Variants in TAB3 observed in about 807,000 individuals in gnomAD.
TAB3 encodes the protein TGF-beta-activated kinase 1 and MAP3K7-binding protein 3.
A neutral mutation model predicts 48.1 loss-of-function variants in TAB3; 18 were observed. The observed-to-expected ratio is 0.37, with a 90% confidence interval of 0.26 to 0.55. TAB3 has a LOEUF of 0.55. Among genes scored for constraint, TAB3 ranks in the 20% least tolerant of loss-of-function variants. The pLI is 0.78. For synonymous variants in TAB3, 185 were observed against 190.2 expected, an observed-to-expected ratio of 0.97 and a Z score of 0.22; for missense variants, 414 against 549.8, an observed-to-expected ratio of 0.75 and a Z score of 2.47.
chrX:30,831,387 T>C lies in TAB3; in HGVS notation c.*40A>G. The C allele has an allele frequency of 1.7e-6, 2 of 1,188,171 alleles. No homozygotes were observed. On this transcript the variant is annotated 3_prime_UTR_variant, in exon 11 of 11. Transcript: ENST00000288422. ...AGGTTTCCTTTTCTTCTGGTAGTGC[T>C]CAAAGTTTCACTTTCAACCTGGCGC... is the stretch of plus-strand genomic sequence containing the variant.
At position 30,830,912 on chromosome X, in the gene TAB3, GC is replaced by G. The variant is rs34578092; in HGVS notation, c.*514del. ...AATTACAAATACCCTTAATTAATTT[GC>G]CCCCCCCCCCCAAATATTCTAGGTG... On this transcript the variant is annotated 3_prime_UTR_variant, in exon 11 of 11. Transcript: ENST00000288422. 871 of 43,593 alleles carry G rather than the reference GC, an allele frequency of 0.02. 30 individuals are homozygous for G. The highest frequency in any genetic ancestry group is 0.06 in the African/African-American group (752 of 12,629). The allele number at this position is 43,593 out of a possible 1,213,427, so 3.6% of individuals were successfully genotyped here.
At chrX:30,878,716 A>C (rs754679425) in intron 1 of TAB3, among the ~76,000 whole-genome samples, 8 of 111,644 alleles carry the variant, frequency 7.2e-5, no homozygotes, top group African/African-American at 1.9e-4. Flanking sequence ...GCCATAAAGT[A>C]AGTCTCAGGG....
chrX:30,872,285 T>C (rs1213237254), intron 1 of TAB3, among the ~76,000 whole-genome samples: 1 of 111,992 alleles, frequency 8.9e-6, no homozygotes, highest in Non-Finnish European at 1.9e-5. Context: ...GTAGAGGAAC[T>C]TTTTAAAATT....
chrX:30,860,206 C>A (rs910212780), intron 4 of TAB3, among the ~76,000 whole-genome samples: 2 of 112,173 alleles, frequency 1.8e-5, no homozygotes. Flanking sequence ...GAAGTCCCTG[C>A]TTACAGTAAA....
intron 1 of TAB3, among the ~76,000 whole-genome samples, chrX:30,873,897 G>A (rs1249449603): frequency 9.0e-6 from 1 of 111,501 alleles, no homozygotes; most frequent in Non-Finnish European, 1.9e-5. Context: ...ACATTGGCTG[G>A]GCACAGTAGC....
At chrX:30,831,923 TGTAA>T (rs2147320799) in intron 10 of TAB3, among the ~76,000 whole-genome samples, 1 of 112,238 alleles carries the variant, frequency 8.9e-6, no homozygotes, top group Non-Finnish European at 1.9e-5. Flanking sequence ...CTGTCGCCTC[TGTAA>T]GTTTTCCCTG....
chrX:30,833,968 G>C, intron 10 of TAB3, 83 bp downstream of exon 10: 2 of 894,600 alleles, frequency 2.2e-6, no homozygotes, highest in Non-Finnish European at 3.2e-6. Context: ...AAAAAATAAA[G>C]GTATGGTTTT....
At chrX:30,878,820 A>G (rs1939920650) in intron 1 of TAB3, among the ~76,000 whole-genome samples, 1 of 112,066 alleles carries the variant, frequency 8.9e-6, no homozygotes, top group Non-Finnish European at 1.9e-5. Flanking sequence ...GAAAATTCTC[A>G]TATTACTGGA....
Position 30,852,784 on chromosome X carries a change from G to A in TAB3, c.1704C>T (p.Ile568=), listed in dbSNP as rs764986901. Residue 568 remains isoleucine, a synonymous_variant, in exon 7 of 11, where the codon ATC becomes ATT. Transcript: ENST00000288422. ...RLRRVSCTTA[I]PTPEEMTRLR... is the part of the protein sequence containing the mutation. The stretch of plus-strand genomic sequence containing the variant: ...ATCCTAACAGATCACTTACCGTAGG[G>A]ATCGCAGTGGTGCAGCTGACTCTTC... 1.5e-5 allele frequency: 18 copies of A among 1,208,039 alleles called. No homozygotes were observed. The highest frequency in any genetic ancestry group is 1.5e-4 in the East Asian group (5 of 33,745).
chrX:30,879,181 A>G (rs1939929146), intron 1 of TAB3, among the ~76,000 whole-genome samples: 1 of 112,216 alleles, frequency 8.9e-6, no homozygotes, highest in Non-Finnish European at 1.9e-5. Context: ...CTTTCCCACA[A>G]AGAAAATTCT....
At chrX:30,885,070 T>C in intron 1 of TAB3, among the ~76,000 whole-genome samples, 1 of 112,473 alleles carries the variant, frequency 8.9e-6, no homozygotes, top group Non-Finnish European at 1.9e-5. Flanking sequence ...ATTGACAATC[T>C]AAAAAGCCTA....
intron 8 of TAB3, 45 bp from the exon 9 acceptor site, chrX:30,843,094 C>T: frequency 1.3e-6 from 1 of 759,533 alleles, no homozygotes. Context: ...ACTCTTTTTT[C>T]CTGTTATTTG....
In TAB3 at chrX:30,854,685, G is replaced by A. The variant is rs766498380; in HGVS notation, c.980C>T (p.Thr327Ile). The A allele has an allele frequency of 1.7e-6, 2 of 1,211,726 alleles. No homozygotes were observed. Among genetic ancestry groups the A allele is most frequent in the Non-Finnish European group, 2.2e-6 (2 of 895,425 alleles). The stretch of plus-strand genomic sequence containing the variant: ...TTGTTGATATGGATGGGGTGGAGTA[G>A]TTGAAGGACTAGGTGGCATAAAGAT... ...GHIFMPPSPS[T>I]TPPHPYQQGP... Residue 327 changes from threonine to isoleucine, a missense_variant, in exon 6 of 11, where the codon ACT becomes ATT. By Grantham distance (89) the Thr-to-Ile change is moderately conservative (BLOSUM62 -1). Transcript: ENST00000288422.
chrX:30,845,877 A>G, intron 8 of TAB3: 4 of 712,334 alleles, frequency 5.6e-6, no homozygotes, highest in Non-Finnish European at 5.3e-6. Context: ...TGGGGACAGA[A>G]TCAACTCTTG....
At chrX:30,841,218 C>T (rs1186908410) in intron 9 of TAB3, among the ~76,000 whole-genome samples, 1 of 111,470 alleles carries the variant, frequency 9.0e-6, no homozygotes, top group African/African-American at 3.3e-5. Flanking sequence ...GTCAAGAGTT[C>T]AAGACCAGCC....
In TAB3 at chrX:30,832,121, A is replaced by G. The variant is rs190982099; in HGVS notation, c.1991-546T>C. Among the ~76,000 whole-genome samples, 18 of 112,544 alleles carry G rather than the reference A, an allele frequency of 1.6e-4. No homozygotes were observed. The East Asian group carries it at 4.7e-3, about 29-fold the overall frequency. On this transcript the variant is annotated intron_variant, in intron 10 of 10. Transcript: ENST00000288422. The stretch of plus-strand genomic sequence containing the variant: ...CAAAGTTTTCCTCAGAATAGTGAAA[A>G]GAGGAAGATTCTACAGTTCATTTTT...
At chrX:30,853,307 C>T (rs937512636) in intron 6 of TAB3, among the ~76,000 whole-genome samples, 3 of 112,755 alleles carry the variant, frequency 2.7e-5, no homozygotes, top group African/African-American at 9.7e-5. Context: ...AACTCTGTAT[C>T]TAATTTAGGT....
rs772315477 is a variant in TAB3 at position 30,831,318 on chromosome X, G to T, written c.*109C>A. On this transcript the variant is annotated 3_prime_UTR_variant, in exon 11 of 11. Transcript: ENST00000288422. ...CACAAAGCCATTCCTCCTCCCCGCT[G>T]TGCAATCGAAAATGAAAAGGCTGGG... 6.0e-4 allele frequency: 549 copies of T among 920,623 alleles called. 1 individual carries two copies. The highest frequency in any genetic ancestry group is 7.4e-4 in the Non-Finnish European group (511 of 690,016). 75.9% of individuals were successfully genotyped at this position (920,623 alleles called of 1,213,427 possible).
At chrX:30,868,514 AGCT>A (rs200840089) in intron 2 of TAB3, among the ~76,000 whole-genome samples, 23 of 4,806 alleles carry the variant, frequency 4.8e-3, no homozygotes, top group Non-Finnish European at 6.4e-3. Context: ...ATATATATAT[AGCT>A]TATATATATA....
Sources: allele counts gnomAD v4.1 joint callset (sites outside exome capture counted in the v4.1 genomes callset), GRCh38; gene constraint gnomAD v4.1.1; transcripts MANE v1.5; gene names NCBI Gene and HGNC (gene_info 2026-07-23, HGNC 2026-07-21).